Variants in SNX1 observed in about 807,000 individuals in gnomAD.
SNX1 encodes sorting nexin-1.
SNX1 carries 36 observed loss-of-function variants against 71.8 expected under a neutral mutation model. That is an observed-to-expected ratio of 0.50 (90% CI 0.38 to 0.66). The LOEUF (loss-of-function observed/expected upper bound fraction) is 0.66, where lower values mean the gene tolerates loss of function less well. Among genes scored for constraint, SNX1 ranks in the 30% least tolerant of loss-of-function variants. The pLI is 0.00. For missense variants in SNX1, 612 were observed against 646.7 expected (o/e 0.95, Z 0.58); for synonymous variants, 254 against 240.7 (o/e 1.06, Z -0.51).
At chr15:64,136,956 C>T in intron 14 of SNX1, 24 bp downstream of exon 14, 1 of 1,597,634 alleles carries the variant, frequency 6.3e-7, no homozygotes, top group Non-Finnish European at 8.6e-7. Context: ...GTGTGACCTT[C>T]ATCCTCTACT....
In SNX1 at chr15:64,138,320, T is replaced by A; in HGVS notation, c.*702T>A. On this transcript the variant is annotated 3_prime_UTR_variant, in exon 15 of 15. Coordinates refer to ENST00000559844, the MANE Select transcript of SNX1 (RefSeq NM_003099.5). ...CTGCAAAGGAGGCAGAGACTTTCTC[T>A]CTCTCTTTTTTTTTTTTTTTTGGTG... 9.3e-6 allele frequency: 7 copies of A among 756,150 alleles called. No homozygotes were observed. The highest frequency in any genetic ancestry group is 1.3e-5 in the Non-Finnish European group (7 of 529,596). 46.8% of individuals were successfully genotyped at this position (756,150 alleles called of 1,614,324 possible).
chr15:64,131,013 G>A (rs1461840669), intron 10 of SNX1, among the ~76,000 whole-genome samples: 2 of 152,164 alleles, frequency 1.3e-5, no homozygotes, highest in Non-Finnish European at 1.5e-5. Context: ...AGCCGGTCGC[G>A]GTGGCTCACG....
At position 64,118,189 on chromosome 15, in the gene SNX1, CT is replaced by C; in HGVS notation, c.345del (p.Leu116PhefsTer19). 1 of 1,613,732 alleles carries C rather than the reference CT, an allele frequency of 6.2e-7. No homozygotes were observed. The highest frequency in any genetic ancestry group is 8.5e-7 in the Non-Finnish European group (1 of 1,179,886). On this transcript the variant is annotated frameshift_variant, in exon 3 of 15. Coordinates refer to ENST00000559844, the MANE Select transcript of SNX1 (RefSeq NM_003099.5). LOFTEE classifies it high-confidence loss of function. ...AAGGTGCTAGCCAAAACACTCATTT[CT>C]CTTCCTCCTCAGGAAGCCACAAATT... ...QKKVLAKTLI[S>X]LPPQEATNSS...
chr15:64,135,999 G>A (rs986344907), intron 12 of SNX1, among the ~76,000 whole-genome samples: 9 of 152,140 alleles, frequency 5.9e-5, no homozygotes, highest in African/African-American at 2.2e-4. Context: ...ATGCCTTCTC[G>A]TGAGAACTAA....
rs148667998 is a variant in SNX1, at chr15:64,128,104, G to A, written c.807+298G>A. 3.3e-3 allele frequency among the ~76,000 whole-genome samples: 496 copies of A among 152,316 alleles called. 6 individuals are homozygous for A. The highest frequency in any genetic ancestry group is 4.4e-3 in the Non-Finnish European group (302 of 68,032). ...ATGTTGTAGGTTACTTCTTGGCTCA[G>A]ATTGAATGTATATTTTATGCCAGGC... On this transcript the variant is annotated intron_variant, in intron 8 of 14. Coordinates refer to ENST00000559844, the MANE Select transcript of SNX1 (RefSeq NM_003099.5).
chr15:64,101,338 T>C (rs1202950119), intron 1 of SNX1, among the ~76,000 whole-genome samples: 1 of 152,246 alleles, frequency 6.6e-6, no homozygotes, highest in Non-Finnish European at 1.5e-5. Flanking sequence ...CTATTTTTGA[T>C]ACCTCATATA....
intron 1 of SNX1, among the ~76,000 whole-genome samples, chr15:64,101,655 A>G (rs866005236): frequency 1.3e-5 from 2 of 152,086 alleles, no homozygotes; most frequent in Non-Finnish European, 2.9e-5. Context: ...TGGTAGTTCT[A>G]TTTTCAATTG....
At chr15:64,113,745 C>T (rs1717419582) in intron 2 of SNX1, among the ~76,000 whole-genome samples, 1 of 152,072 alleles carries the variant, frequency 6.6e-6, no homozygotes, top group African/African-American at 2.4e-5. Flanking sequence ...TGCTTAAACC[C>T]TGGAGGTGGA....
intron 10 of SNX1, 62 bp from the exon 11 acceptor site, chr15:64,131,625 G>C: frequency 1.3e-6 from 2 of 1,532,334 alleles, no homozygotes; most frequent in South Asian, 2.3e-5. Context: ...TGCAGTGTCA[G>C]CTGATTTGTC....
chr15:64,116,019 A>C (rs1162871437), intron 2 of SNX1, among the ~76,000 whole-genome samples: 1 of 152,204 alleles, frequency 6.6e-6, no homozygotes, highest in Non-Finnish European at 1.5e-5. Context: ...GCAGTCAAAA[A>C]TTTGTTTATA....
chr15:64,132,971 TC>T (rs2081322181), intron 11 of SNX1, among the ~76,000 whole-genome samples: 2 of 152,238 alleles, frequency 1.3e-5, no homozygotes, highest in African/African-American at 4.8e-5. Flanking sequence ...GGGGAAGCTT[TC>T]TATGAGGAGC....
intron 9 of SNX1, 71 bp from the exon 10 acceptor site, chr15:64,130,157 A>C: frequency 6.7e-7 from 1 of 1,502,760 alleles, no homozygotes; most frequent in Non-Finnish European, 9.2e-7. Context: ...TTTGAGAAAC[A>C]ACTGCTAAAG....
chr15:64,096,640 G>A (rs1195808019), intron 1 of SNX1, among the ~76,000 whole-genome samples: 1 of 152,202 alleles, frequency 6.6e-6, no homozygotes, highest in African/African-American at 2.4e-5. Flanking sequence ...AGCATTTACC[G>A]ATAATAACCA....
chr15:64,116,725 T>A (rs1265230333), intron 2 of SNX1, among the ~76,000 whole-genome samples: 1 of 152,170 alleles, frequency 6.6e-6, no homozygotes, highest in Non-Finnish European at 1.5e-5. Flanking sequence ...AGAAAAAAAG[T>A]TTGGACTGTT....
intron 5 of SNX1, 66 bp from the exon 6 acceptor site, chr15:64,126,013 G>C: frequency 6.5e-7 from 1 of 1,537,108 alleles, no homozygotes; most frequent in East Asian, 2.2e-5. Flanking sequence ...ATGTCAATAG[G>C]ATGACTTTCA....
intron 13 of SNX1, among the ~76,000 whole-genome samples, 153 bp downstream of exon 13, chr15:64,136,563 T>C (rs1596009904): frequency 6.6e-6 from 1 of 152,164 alleles, no homozygotes; most frequent in Non-Finnish European, 1.5e-5. Context: ...GGTGTGTGCT[T>C]GATCCTAGGA....
chr15:64,119,253 A>C (rs978825007), intron 4 of SNX1, among the ~76,000 whole-genome samples: 4 of 152,070 alleles, frequency 2.6e-5, no homozygotes, highest in East Asian at 3.9e-4. Flanking sequence ...CCAGCCGCCC[A>C]AGTAGCTGGG....
At chr15:64,117,209 T>TACAC in intron 2 of SNX1, among the ~76,000 whole-genome samples, 1 of 152,344 alleles carries the variant, frequency 6.6e-6, no homozygotes, top group African/African-American at 2.4e-5. Context: ...CTGCCTCTTC[T>TACAC]ATCATATTGG....
Position 64,136,877 on chromosome 15 carries a change from A to T in SNX1, c.1463A>T (p.Asp488Val). 1 of 1,613,846 alleles carries T rather than the reference A, an allele frequency of 6.2e-7. No individual in the cohort carries two copies. The highest frequency in any genetic ancestry group is 1.3e-5 in the African/African-American group (1 of 75,046). Reference sequence around the variant, plus strand: ...GTCTCCTAGAAAGAGAAATCCAAGGACTTCAAGAACCACGTGATCAAGTAC... The same window carrying T: ...GTCTCCTAGAAAGAGAAATCCAAGGTCTTCAAGAACCACGTGATCAAGTAC... Reference protein sequence around the residue: ...VIRFEKEKSKDFKNHVIKYLE... With the variant: ...VIRFEKEKSKVFKNHVIKYLE... The change falls in exon 14 of 15, where the codon GAC (aspartate) becomes GTC (valine). Residue 488 changes from aspartate (D) to valine (V), a missense_variant. Physicochemically the swap from Asp to Val is radical, Grantham distance 152 (BLOSUM62 -3). Coordinates refer to ENST00000559844, the MANE Select transcript of SNX1 (RefSeq NM_003099.5).
Sources: allele counts gnomAD v4.1 joint callset (sites outside exome capture counted in the v4.1 genomes callset), GRCh38; gene constraint gnomAD v4.1.1; transcripts MANE v1.5; gene names NCBI Gene and HGNC (gene_info 2026-07-23, HGNC 2026-07-21).